The following ACSM3 variants were observed in gnomAD, a reference collection of about 807,000 sequenced individuals.
ACSM3 encodes acyl-coenzyme A synthetase ACSM3, mitochondrial.
Under a neutral mutation model 74.1 loss-of-function variants are expected in ACSM3, and 61 were observed. The ratio of observed to expected loss-of-function variants is 0.82; its 90% confidence interval spans 0.67 to 1.02. The LOEUF (loss-of-function observed/expected upper bound fraction) is 1.02, where lower values mean the gene tolerates loss of function less well. Among genes scored for constraint, ACSM3 ranks in the 50% least tolerant of loss-of-function variants. The pLI is 0.00. For synonymous variants in ACSM3, 213 were observed against 241.5 expected (o/e 0.88, Z 1.09); for missense variants, 660 against 697.0 (o/e 0.95, Z 0.60).
intron 1 of ACSM3, chr16:20,736,737 C>A (rs1368239168): frequency 2.5e-6 from 2 of 795,382 alleles, no homozygotes; most frequent in Admixed American, 2.9e-5. Context: ...AACAGGGCTG[C>A]GCAATCATTG....
intron 1 of ACSM3, among the ~76,000 whole-genome samples, chr16:20,768,041 T>TG (rs1045626202): frequency 6.6e-6 from 1 of 152,212 alleles, no homozygotes; most frequent in Non-Finnish European, 1.5e-5. Context: ...AGAGACCATA[T>TG]GGCCCACAAA....
At chr16:20,789,199 G>A (rs1295573967) in intron 9 of ACSM3, among the ~76,000 whole-genome samples, 2 of 152,052 alleles carry the variant, frequency 1.3e-5, no homozygotes, top group African/African-American at 4.8e-5. Context: ...ATGATTAAAA[G>A]CATATGATCT....
chr16:20,728,308 T>A lies in ACSM3; in HGVS notation c.-189-21602T>A, dbSNP rs923942828. 11 of 652,106 alleles carry A rather than the reference T, an allele frequency of 1.7e-5. No homozygotes were observed. The East Asian group carries it at 2.3e-4, about 14-fold the overall frequency. The allele number at this position is 652,106 out of a possible 1,614,324, so 40.4% of individuals were successfully genotyped here. A position where few individuals can be genotyped will look rare whatever the true frequency, so the allele number is the denominator to read the frequency against. ...AGAACGTTTTACAGTTTTCTGCTAT[T>A]CACTGTACAACTATTTACAACCTGC... is the stretch of plus-strand genomic sequence containing the variant. On this transcript the variant is annotated intron_variant, in intron 1 of 3. Transcript: ENST00000561584.
chr16:20,792,532 A>G (rs1196194674), intron 12 of ACSM3, 197 bp downstream of exon 12: 5 of 985,348 alleles, frequency 5.1e-6, no homozygotes, highest in Non-Finnish European at 6.0e-6. Flanking sequence ...CTAACAGACA[A>G]ACAAAATAAG....
intron 1 of ACSM3, among the ~76,000 whole-genome samples, chr16:20,713,543 C>A (rs1320022802): frequency 6.6e-6 from 1 of 152,008 alleles, no homozygotes; most frequent in Non-Finnish European, 1.5e-5. Flanking sequence ...AGAATGGAAC[C>A]CTGTCTAGAA....
chr16:20,748,029 T>TG (rs755864135), intron 1 of ACSM3, among the ~76,000 whole-genome samples: 1 of 151,886 alleles, frequency 6.6e-6, no homozygotes, highest in Non-Finnish European at 1.5e-5. Context: ...CCCAGCTACT[T>TG]GGGGGGCTGA....
intron 1 of ACSM3, among the ~76,000 whole-genome samples, chr16:20,724,511 C>G (rs1022710448): frequency 2.6e-5 from 4 of 152,084 alleles, no homozygotes; most frequent in African/African-American, 7.2e-5. Context: ...TTCAACATAG[C>G]GTTGGAAGTT....
chr16:20,718,016 A>AGAG (rs2079771286), intron 1 of ACSM3, among the ~76,000 whole-genome samples: 1 of 149,262 alleles, frequency 6.7e-6, no homozygotes, highest in African/African-American at 2.5e-5. Context: ...AAGAAGAAGA[A>AGAG]GAAGAAGAAG....
intron 1 of ACSM3, among the ~76,000 whole-genome samples, chr16:20,723,335 AATAAACATACGTG>A (rs2079792718): frequency 6.6e-6 from 1 of 152,276 alleles, no homozygotes; most frequent in Non-Finnish European, 1.5e-5. Context: ...ATAGTGCCAC[AATAAACATACGTG>A]TGCATGTGTC....
chr16:20,704,765 A>G (rs2079722291), intron 1 of ACSM3, among the ~76,000 whole-genome samples: 2 of 152,224 alleles, frequency 1.3e-5, no homozygotes, highest in Admixed American at 1.3e-4. Flanking sequence ...AAAGAGGATG[A>G]TTTTGGAGTA....
At chr16:20,717,809 A>G (rs1289953999) in intron 1 of ACSM3, among the ~76,000 whole-genome samples, 2 of 151,598 alleles carry the variant, frequency 1.3e-5, no homozygotes, top group Non-Finnish European at 2.9e-5. Flanking sequence ...TGAAGCTTAA[A>G]AAAAGAAGAA....
At chr16:20,690,410 C>A (rs1365038880) in intron 1 of ACSM3, among the ~76,000 whole-genome samples, 1 of 152,178 alleles carries the variant, frequency 6.6e-6, no homozygotes, top group Non-Finnish European at 1.5e-5. Context: ...AAACACATAA[C>A]CTCTGGAAGA....
At position 20,682,540 on chromosome 16, in the gene ACSM3, G is replaced by A. The variant is rs9927399; in HGVS notation, c.-190+7718G>A. 12,966 of 1,144,082 alleles carry A rather than the reference G, an allele frequency of 0.011. 1,057 individuals are homozygous for A. The African/African-American group carries it at 0.17, about 15-fold the overall frequency. The allele number at this position is 1,144,082 out of a possible 1,614,324, so 70.9% of individuals were successfully genotyped here. On this transcript the variant is annotated intron_variant, in intron 1 of 3. Coordinates refer to the ACSM3 transcript ENST00000561584. ...GCTTTAGACTTGGCTTGTCTGCATC[G>A]AAATACCCTAACTTCTTGTTATGTA...
Position 20,737,727 on chromosome 16 carries a change from T to C in ACSM3, c.-189-12183T>C, listed in dbSNP as rs148806918. ...ACATACCTGCCAATTCTCTGATAAC[T>C]TCTTCTCTATTCACATGACTGTTAT... is the stretch of plus-strand genomic sequence containing the variant. On this transcript the variant is annotated intron_variant, in intron 1 of 3. Transcript: ENST00000561584. 3.7e-6 allele frequency: 6 copies of C among 1,611,274 alleles called. No individual in the cohort carries two copies. In the African/African-American group the frequency reaches 5.3e-5, roughly 14 times the overall value.
chr16:20,775,173 G>A (rs1218281026), intron 2 of ACSM3, among the ~76,000 whole-genome samples: 1 of 152,100 alleles, frequency 6.6e-6, no homozygotes, highest in East Asian at 1.9e-4. Context: ...AAGGCCCCAG[G>A]GATGTGGAGA....
Position 20,775,966 on chromosome 16 carries a change from C to A in ACSM3, c.347C>A (p.Ser116Tyr). ...KFANILSEAC[S>Y]LQRGDRVILI... ...GCCAATATACTTTCAGAAGCCTGTT[C>A]CCTACAAAGAGGAGATCGGGTAATT... The change falls in exon 3 of 14, where the codon TCC becomes TAC. Residue 116 changes from serine (S) to tyrosine (Y), a missense_variant. By Grantham distance (144) the Ser-to-Tyr change is moderately radical. Coordinates refer to ENST00000289416, the MANE Select transcript of ACSM3 (RefSeq NM_005622.4). 1 of 1,614,172 alleles carries A rather than the reference C, an allele frequency of 6.2e-7. No homozygotes were observed. The highest frequency in any genetic ancestry group is 8.5e-7 in the Non-Finnish European group (1 of 1,180,026).
At chr16:20,731,840 A>G (rs1004548230) in intron 1 of ACSM3, 3 of 239,524 alleles carry the variant, frequency 1.3e-5, no homozygotes, top group Non-Finnish European at 2.3e-5. Flanking sequence ...AGCTCATTAT[A>G]TAGGTAGAGG....
chr16:20,752,620 A>C (rs1223635949), intron 2 of ACSM3, among the ~76,000 whole-genome samples: 2 of 152,234 alleles, frequency 1.3e-5, no homozygotes, highest in Non-Finnish European at 2.9e-5. Context: ...CCCTAGGATT[A>C]AAACTGGGTA....
At position 20,785,068 on chromosome 16, in the gene ACSM3, G is replaced by A. The variant is rs766197968; in HGVS notation, c.1104G>A (p.Thr368=). The A allele has an allele frequency of 6.2e-6, 10 of 1,613,444 alleles. No individual in the cohort carries two copies. Among genetic ancestry groups the A allele is most frequent in the African/African-American group, 2.7e-5 (2 of 74,856 alleles). ...PDVTEKWRNK[T]GLDIYEGYGQ... The stretch of plus-strand genomic sequence containing the variant: ...TGACTGAAAAATGGAGAAACAAGAC[G>A]GGCCTGGATATCTACGAAGGATATG... Residue 368 remains threonine (T), a synonymous_variant, in exon 8 of 14, where the codon ACG becomes ACA. Transcript: ENST00000289416.
Sources: gnomAD v4.1 joint callset for allele counts (sites outside exome capture counted in the v4.1 genomes callset) on GRCh38, gnomAD v4.1.1 for gene constraint, MANE v1.5 for transcripts, NCBI Gene and HGNC (gene_info 2026-07-23, HGNC 2026-07-21) for gene names.